Variants in UMODL1 observed in about 807,000 individuals in gnomAD.
UMODL1 encodes the protein uromodulin like 1, also known as uromodulin-like 1.
Under a neutral mutation model 136.3 loss-of-function variants are expected in UMODL1, and 128 were observed. The ratio of observed to expected loss-of-function variants is 0.94; its 90% CI spans 0.81 to 1.09. The LOEUF (loss-of-function observed/expected upper bound fraction) is 1.09. UMODL1 is among the 50% of genes least tolerant of loss of function. The pLI is 0.00. For synonymous variants in UMODL1, 721 were observed against 720.0 expected (o/e 1.00, Z -0.02); for missense variants, 1,766 against 1,725.6 (o/e 1.02, Z -0.41).
intron 2 of UMODL1, 34 bp from the exon 3 acceptor site, chr21:42,084,050 C>G (rs370511715): frequency 6.2e-7 from 1 of 1,603,712 alleles, no homozygotes; most frequent in African/African-American, 1.3e-5. Context: ...TGTCTTTTAT[C>G]GCCAGTATCA....
intron 7 of UMODL1, 146 bp from the exon 8 acceptor site, chr21:42,102,020 C>A: frequency 3.4e-6 from 2 of 587,808 alleles, no homozygotes; most frequent in Admixed American, 3.1e-5. Flanking sequence ...CATTTATTTC[C>A]CCCAATTAGG....
rs220129 is a variant in UMODL1 at position 42,111,522 on chromosome 21, T to C, written c.1916T>C (p.Ile639Thr). 0.82 allele frequency: 1,316,247 copies of C among 1,613,960 alleles called. 538,635 individuals are homozygous for C. The highest frequency in any genetic ancestry group is 0.88 in the Admixed American group (52,583 of 60,020). Residue 639 changes from isoleucine to threonine, a missense_variant, in exon 12 of 23, where the codon ATC becomes ACC. Physicochemically the swap from Ile to Thr is moderately conservative, Grantham distance 89. Coordinates refer to ENST00000408910, the MANE Select transcript of UMODL1 (RefSeq NM_001004416.3). ...CCTGGACAGCTACAGGGAAACTCCA[T>C]CATGGAGCCACCCTCCTGGCCTTCC... ...GVEQELQGNS[I>T]MEPPSWPSPT...
Position 42,085,471 on chromosome 21 carries a change from C to CCAG in UMODL1, c.603+60_603+62dup. The CCAG allele has an allele frequency of 6.2e-7, 1 of 1,611,194 alleles. No homozygotes were observed. Among genetic ancestry groups the CCAG allele is most frequent in the Non-Finnish European group, 8.5e-7 (1 of 1,179,262 alleles). Reference sequence around the variant, plus strand: ...CCTTGTGGCAGCTGCTCAGGCAGACCCAGGTATGGGGCCGTGGAAGGGACC... The same window carrying CCAG: ...CCTTGTGGCAGCTGCTCAGGCAGACCCAGCAGGTATGGGGCCGTGGAAGGGACC... On this transcript the variant is annotated intron_variant, in intron 4 of 22. Coordinates refer to ENST00000408910, the MANE Select transcript of UMODL1 (RefSeq NM_001004416.3). This position sits in a 1 kb window ranked among gnomAD's most constrained non-coding sequence, Gnocchi z 4.5.
chr21:42,115,459 A>C lies in UMODL1; in HGVS notation c.2363-414A>C, dbSNP rs377370317. ...GAGCAGAGGCCTGGCCAGGGCCCTAAGTCCTGTTATACCTGGGACAGCCCA... is the reference window on the plus strand; with the variant it reads ...GAGCAGAGGCCTGGCCAGGGCCCTACGTCCTGTTATACCTGGGACAGCCCA... On this transcript the variant is annotated intron_variant, in intron 13 of 22. Coordinates refer to ENST00000408910, the MANE Select transcript of UMODL1 (RefSeq NM_001004416.3). Among the ~76,000 whole-genome samples the C allele has an allele frequency of 8.7e-4, 133 of 152,356 alleles. 1 individual carries two copies. Among genetic ancestry groups the C allele is most frequent in the Admixed American group, 1.8e-3 (28 of 15,304 alleles).
In UMODL1 at chr21:42,127,248, G is replaced by A. The variant is rs764693267; in HGVS notation, c.3530+6G>A. The stretch of plus-strand genomic sequence containing the variant: ...TTCAGCTTCATTAACAACAGGTAGG[G>A]CTCAGGAGTGCAGGCACCCCCATCC... On this transcript the variant is annotated splice_donor_region_variant and intron_variant, in intron 19 of 22. Transcript: ENST00000408910. The A allele has an allele frequency of 1.2e-6, 2 of 1,612,872 alleles. No individual in the cohort carries two copies. Among genetic ancestry groups the A allele is most frequent in the Admixed American group, 1.7e-5 (1 of 60,018 alleles).
At chr21:42,071,157 G>A (rs575476112), upstream of UMODL1, among the ~76,000 whole-genome samples, 25 of 152,294 alleles carry the variant, frequency 1.6e-4, no homozygotes, top group East Asian at 5.8e-4. Flanking sequence ...TGCTCCCAGC[G>A]GTGCTTCCTC....
At chr21:42,107,927 T>A (rs2066745387) in intron 9 of UMODL1, among the ~76,000 whole-genome samples, 1 of 152,200 alleles carries the variant, frequency 6.6e-6, no homozygotes, top group Non-Finnish European at 1.5e-5. Flanking sequence ...GGGAGCAGTG[T>A]GCAGCGTCCT....
In UMODL1 at chr21:42,122,561, G is replaced by A. The variant is rs2066986559; in HGVS notation, c.2828-270G>A. On this transcript the variant is annotated intron_variant, in intron 16 of 22. Transcript: ENST00000408910. The surrounding 1 kb of genome is among the most constrained non-coding windows in gnomAD (Gnocchi z 4.3). ...TGCATGTGTGCGTGTGTGTGTGTCT[G>A]CACGTGTGTGCGTGCGTGTGTGCAT... Among the ~76,000 whole-genome samples, 1 of 149,024 alleles carries A rather than the reference G, an allele frequency of 6.7e-6. No individual in the cohort carries two copies. Among genetic ancestry groups the A allele is most frequent in the Admixed American group, 6.7e-5 (1 of 14,842 alleles).
Position 42,100,405 on chromosome 21 carries a change from T to G in UMODL1, c.1186+1225T>G, listed in dbSNP as rs77174660. Among the ~76,000 whole-genome samples the G allele has an allele frequency of 9.5e-3, 1,449 of 152,102 alleles. 28 individuals are homozygous for G. Among genetic ancestry groups the G allele is most frequent in the African/African-American group, 0.033 (1,358 of 41,424 alleles). On this transcript the variant is annotated intron_variant, in intron 7 of 22. Transcript: ENST00000408910. ...TCTGTGGCTCGGCCCTACACCCTTT[T>G]CAAACTGATTTGGGGCGGACCTCAA...
Position 42,090,290 on chromosome 21 carries a change from C to T in UMODL1, c.791-8C>T. On this transcript the variant is annotated splice_region_variant and splice_polypyrimidine_tract_variant and intron_variant, in intron 5 of 22. Coordinates refer to ENST00000408910, the MANE Select transcript of UMODL1 (RefSeq NM_001004416.3). ...GCTGAGTGTGGGTCCTGCTCTCCTT[C>T]CCTGTAGATGTCAATGAGTGTTTCT... 6.2e-7 allele frequency: 1 copy of T among 1,614,094 alleles called. No individual in the cohort carries two copies. The highest frequency in any genetic ancestry group is 8.5e-7 in the Non-Finnish European group (1 of 1,179,994).
At chr21:42,086,482 C>G (rs886981390) in intron 4 of UMODL1, 4 of 454,656 alleles carry the variant, frequency 8.8e-6, no homozygotes, top group Admixed American at 2.3e-5. Flanking sequence ...TAGTCTGCAG[C>G]CTCGGCCTTA....
upstream of UMODL1, among the ~76,000 whole-genome samples, chr21:42,066,691 TA>T (rs1361157488): frequency 1.3e-5 from 2 of 152,224 alleles, no homozygotes; most frequent in African/African-American, 4.8e-5. Context: ...ACACAGATGG[TA>T]ACCCCAGTGA....
At chr21:42,064,012 T>C (rs2066163416) in intron 1 of UMODL1, among the ~76,000 whole-genome samples, 1 of 152,090 alleles carries the variant, frequency 6.6e-6, no homozygotes, top group African/African-American at 2.4e-5. Context: ...TACATTAGGA[T>C]GTGTGTCAAT....
chr21:42,102,037 C>A, intron 7 of UMODL1, 129 bp from the exon 8 acceptor site: 1 of 631,316 alleles, frequency 1.6e-6, no homozygotes, highest in Non-Finnish European at 2.8e-6. Context: ...TAGGATACCT[C>A]AATCTAAGAT....
In UMODL1 at chr21:42,127,658, T is replaced by A. The variant is rs2067077799; in HGVS notation, c.3531-14T>A. ...TCGCTGACAAGCAAGGAGTCCCATT[T>A]CCTCTCTTCTCAGCTGCCCTGTGCC... On this transcript the variant is annotated splice_polypyrimidine_tract_variant and intron_variant, in intron 19 of 22. Transcript: ENST00000408910. 1 of 1,608,444 alleles carries A rather than the reference T, an allele frequency of 6.2e-7. No individual in the cohort carries two copies. Among genetic ancestry groups the A allele is most frequent in the African/African-American group, 1.3e-5 (1 of 74,616 alleles).
intron 6 of UMODL1, among the ~76,000 whole-genome samples, chr21:42,090,766 G>A (rs920806239): frequency 2.0e-5 from 3 of 152,220 alleles, no homozygotes; most frequent in Non-Finnish European, 2.9e-5. Flanking sequence ...GTTGGCCGAC[G>A]ATTCATTTGC....
chr21:42,095,178 T>G (rs2066542648), intron 6 of UMODL1, among the ~76,000 whole-genome samples: 1 of 141,292 alleles, frequency 7.1e-6, no homozygotes, highest in Non-Finnish European at 1.5e-5. Flanking sequence ...CACTGCAGCC[T>G]CCACCTCCTG....
rs565997994 is a variant in UMODL1, at chr21:42,102,092, G to T, written c.1187-74G>T. On this transcript the variant is annotated intron_variant, in intron 7 of 22. Transcript: ENST00000408910. ...AAAAAATTATCCCGCCAAAGAGTAGGCTTCATGGAAAACATTAACAGACAA... is the reference window on the plus strand; with the variant it reads ...AAAAAATTATCCCGCCAAAGAGTAGTCTTCATGGAAAACATTAACAGACAA... The T allele has an allele frequency of 1.3e-5, 15 of 1,153,750 alleles. No individual in the cohort carries two copies. The East Asian group carries it at 1.7e-4, about 13-fold the overall frequency. The allele number at this position is 1,153,750 out of a possible 1,614,324, so 71.5% of individuals were successfully genotyped here.
At chr21:42,134,651 G>A (rs2067179401) in intron 21 of UMODL1, among the ~76,000 whole-genome samples, 1 of 151,848 alleles carries the variant, frequency 6.6e-6, no homozygotes, top group Non-Finnish European at 1.5e-5. Flanking sequence ...GTCTCGCTCT[G>A]TTGCCCAGGC....
Sources: gnomAD v4.1 joint callset for allele counts (sites outside exome capture counted in the v4.1 genomes callset) on GRCh38, gnomAD v4.1.1 for gene constraint, Gnocchi (gnomAD v3.1) non-coding constraint, MANE v1.5 for transcripts, NCBI Gene and HGNC (gene_info 2026-07-23, HGNC 2026-07-21) for gene names.